C2CD5: variants seen among roughly 807,000 people sequenced by gnomAD.
C2CD5 encodes the protein C2 calcium dependent domain containing 5.
A neutral mutation model predicts 130.3 loss-of-function variants in C2CD5; 109 were observed. The observed-to-expected ratio is 0.84, with a 90% CI of 0.72 to 0.98. C2CD5 has a LOEUF of 0.98. Among genes scored for constraint, C2CD5 ranks in the 50% least tolerant of loss-of-function variants. C2CD5 has a pLI of 0.00. For missense variants in C2CD5, 996 were observed against 1,261.8 expected, an observed-to-expected ratio of 0.79 and a Z score of 3.19; for synonymous variants, 454 against 429.2, an observed-to-expected ratio of 1.06 and a Z score of -0.71.
chr12:22,542,189 C>T (rs1952457321), intron 2 of C2CD5, among the ~76,000 whole-genome samples: 1 of 152,210 alleles, frequency 6.6e-6, no homozygotes, highest in Non-Finnish European at 1.5e-5. Context: ...CCCATTCAGG[C>T]CATCCTATAA....
At chr12:22,518,332 T>C (rs768602989) in intron 7 of C2CD5, among the ~76,000 whole-genome samples, 195 bp from the exon 8 acceptor site, 1 of 152,074 alleles carries the variant, frequency 6.6e-6, no homozygotes, top group South Asian at 2.1e-4. Context: ...ATTATCTGCA[T>C]TGAAACAGTT....
intron 11 of C2CD5, among the ~76,000 whole-genome samples, chr12:22,490,780 AATT>A (rs1418813962): frequency 2.0e-5 from 3 of 152,164 alleles, no homozygotes; most frequent in Admixed American, 1.3e-4. Context: ...ATAATTTTTA[AATT>A]ATTATATGTC....
At chr12:22,490,018 C>A in intron 12 of C2CD5, 105 bp downstream of exon 12, 2 of 732,484 alleles carry the variant, frequency 2.7e-6, no homozygotes, top group South Asian at 1.7e-5. Flanking sequence ...TACACTGTAC[C>A]CCTGTAAGCC....
chr12:22,471,859 G>T (rs1051985885), intron 19 of C2CD5, 108 bp downstream of exon 19: 23 of 687,398 alleles, frequency 3.3e-5, no homozygotes, highest in Admixed American at 2.2e-4. Context: ...AGGTAAGAAT[G>T]ATTCAGCCCA....
chr12:22,475,799 T>G (rs968746486), intron 15 of C2CD5, among the ~76,000 whole-genome samples: 4 of 152,136 alleles, frequency 2.6e-5, no homozygotes, highest in Admixed American at 6.6e-5. Context: ...TAATCTGCCC[T>G]CTATAAAGTT....
At chr12:22,510,010 G>A (rs796260402) in intron 9 of C2CD5, among the ~76,000 whole-genome samples, 40 of 152,242 alleles carry the variant, frequency 2.6e-4, no homozygotes, top group African/African-American at 9.1e-4. Context: ...TTCAAGACCA[G>A]CCTGGTCAAC....
chr12:22,464,902 C>T (rs1941794204), intron 22 of C2CD5, among the ~76,000 whole-genome samples: 1 of 152,060 alleles, frequency 6.6e-6, no homozygotes, highest in Non-Finnish European at 1.5e-5. Flanking sequence ...TACAAATGTA[C>T]ACTTCTAATT....
intron 10 of C2CD5, among the ~76,000 whole-genome samples, chr12:22,494,056 T>A (rs1326910646): frequency 6.6e-6 from 1 of 152,068 alleles, no homozygotes; most frequent in Non-Finnish European, 1.5e-5. Flanking sequence ...ACCAGAGAAG[T>A]CCAATATTGC....
chr12:22,471,305 T>A (rs1942990444), intron 20 of C2CD5, 94 bp downstream of exon 20: 2 of 723,064 alleles, frequency 2.8e-6, no homozygotes, highest in South Asian at 1.8e-5. Flanking sequence ...AACTAGTATA[T>A]GTTTATTTAA....
intron 10 of C2CD5, among the ~76,000 whole-genome samples, chr12:22,502,363 AT>A (rs1947905865): frequency 6.6e-6 from 1 of 152,122 alleles, no homozygotes; most frequent in Non-Finnish European, 1.5e-5. Context: ...TTATTTTTAG[AT>A]TTATGAAACA....
At chr12:22,500,018 T>C (rs569322200) in intron 10 of C2CD5, among the ~76,000 whole-genome samples, 2 of 152,034 alleles carry the variant, frequency 1.3e-5, no homozygotes, top group South Asian at 4.2e-4. Context: ...TGAAACCCCA[T>C]CTCTACAAAA....
intron 26 of C2CD5, among the ~76,000 whole-genome samples, chr12:22,453,383 T>A (rs933883672): frequency 2.6e-5 from 4 of 152,220 alleles, no homozygotes; most frequent in South Asian, 4.1e-4. Context: ...TTTTAAAAAA[T>A]TTTAACAATT....
chr12:22,457,954 TCC>T (rs1359746409), intron 24 of C2CD5, among the ~76,000 whole-genome samples: 1 of 152,106 alleles, frequency 6.6e-6, no homozygotes, highest in Admixed American at 6.6e-5. Flanking sequence ...TGTAGTTTTT[TCC>T]CCCTTTTAAT....
At chr12:22,472,844 A>C (rs771246037) in intron 16 of C2CD5, 37 bp from the exon 17 acceptor site, 11 of 1,065,450 alleles carry the variant, frequency 1.0e-5, no homozygotes, top group South Asian at 5.1e-5. Flanking sequence ...ATAAGTAGTA[A>C]ATGCATAATT....
At chr12:22,450,332 C>T (rs958015864) in intron 26 of C2CD5, among the ~76,000 whole-genome samples, 1 of 151,958 alleles carries the variant, frequency 6.6e-6, no homozygotes, top group Non-Finnish European at 1.5e-5. Flanking sequence ...ATATGTGTTC[C>T]CTAGAGAAAT....
rs772619038 is a variant in C2CD5, at chr12:22,470,861, T to C, written c.2409A>G (p.Gln803=). Residue 803 remains glutamine, a synonymous_variant, in exon 21 of 27, where the codon CAA becomes CAG. Transcript: ENST00000446597. The part of the protein sequence containing the change: ...AITFDKNQAL[Q]TTKTPVEKSL... ...ACTTTTCAACAGGGGTTTTTGTGGT[T>C]TGTAAAGCCTGATTTTTGTCAAAAG... The C allele has an allele frequency of 1.2e-6, 2 of 1,612,734 alleles. No individual in the cohort carries two copies. Among genetic ancestry groups the C allele is most frequent in the African/African-American group, 1.3e-5 (1 of 75,002 alleles).
intron 10 of C2CD5, among the ~76,000 whole-genome samples, chr12:22,503,907 C>T (rs1164305215): frequency 6.6e-6 from 1 of 152,100 alleles, no homozygotes; most frequent in Non-Finnish European, 1.5e-5. Flanking sequence ...ATAACTCATA[C>T]GCCATTGAAA....
intron 12 of C2CD5, 46 bp from the exon 13 acceptor site, chr12:22,484,934 A>C: frequency 2.1e-6 from 2 of 953,264 alleles, no homozygotes; most frequent in Non-Finnish European, 2.9e-6. Context: ...AAAATGTACC[A>C]ATTTTTTCAA....
intron 25 of C2CD5, among the ~76,000 whole-genome samples, chr12:22,454,435 A>T (rs908762225): frequency 6.6e-6 from 1 of 152,086 alleles, no homozygotes; most frequent in African/African-American, 2.4e-5. Flanking sequence ...GATAAAACTT[A>T]CCTGTTATCT....
Sources: gnomAD v4.1 joint callset for allele counts (sites outside exome capture counted in the v4.1 genomes callset) on GRCh38, gnomAD v4.1.1 for gene constraint, MANE v1.5 for transcripts, NCBI Gene and HGNC (gene_info 2026-07-23, HGNC 2026-07-21) for gene names.